CMC2: variants seen among roughly 807,000 people sequenced by gnomAD.
CMC2 encodes C-X9-C motif containing 2.
In CMC2, 5 loss-of-function variants were observed where a neutral mutation model predicts 7.5. The observed-to-expected ratio is 0.66, with a 90% CI of 0.35 to 1.40. The LOEUF is 1.40. Ranked by LOEUF, CMC2 falls within the 40% of genes most tolerant of loss-of-function variation. CMC2 has a pLI of 0.04. For missense variants in CMC2, 115 were observed against 92.3 expected, an observed-to-expected ratio of 1.25 and a Z score of -1.01; for synonymous variants, 37 against 31.4, an observed-to-expected ratio of 1.18 and a Z score of -0.60.
Position 81,006,873 on chromosome 16 carries a change from G to T in CMC2, c.-175C>A, listed in dbSNP as rs935028316. 3 of 986,022 alleles carry T rather than the reference G, an allele frequency of 3.0e-6. No homozygotes were observed. The highest frequency in any genetic ancestry group is 3.6e-6 in the Non-Finnish European group (3 of 830,524). 61.1% of individuals were successfully genotyped at this position (986,022 alleles called of 1,614,324 possible). On this transcript the variant is annotated 5_prime_UTR_variant, in exon 1 of 4. Coordinates refer to ENST00000219400, the MANE Select transcript of CMC2 (RefSeq NM_020188.5). The stretch of plus-strand genomic sequence containing the variant: ...CAGTGACGCCCTCCACCGCTCCACC[G>T]TGCTCCCGGCTCCTCGCCCCCGCCG...
intron 2 of CMC2, among the ~76,000 whole-genome samples, chr16:80,987,696 G>A (rs1597237553): frequency 1.3e-5 from 2 of 152,292 alleles, no homozygotes; most frequent in East Asian, 3.9e-4. Flanking sequence ...TAAAAGCACA[G>A]CAAGGTAGGC....
At chr16:80,995,612 G>A (rs1408272481) in intron 2 of CMC2, among the ~76,000 whole-genome samples, 6 of 152,162 alleles carry the variant, frequency 3.9e-5, no homozygotes, top group African/African-American at 1.2e-4. Context: ...AGCCAAGATC[G>A]CGCCACTACA....
chr16:80,993,398 A>C (rs2549859), intron 2 of CMC2, among the ~76,000 whole-genome samples: 1 of 151,864 alleles, frequency 6.6e-6, no homozygotes, highest in African/African-American at 2.4e-5. Context: ...CGTCAGAGGA[A>C]TTCGGGCAGG....
chr16:80,996,883 A>C (rs1968459428), intron 2 of CMC2: 3 of 304,008 alleles, frequency 9.9e-6, no homozygotes, highest in South Asian at 2.7e-5. Flanking sequence ...GCCAATCATA[A>C]ATCTAGTTAA....
intron 2 of CMC2, among the ~76,000 whole-genome samples, chr16:80,994,197 T>C (rs1968227432): frequency 6.6e-6 from 1 of 151,942 alleles, no homozygotes; most frequent in Non-Finnish European, 1.5e-5. Flanking sequence ...AAAAATTAAC[T>C]TGAAATCTCA....
At chr16:80,991,695 C>A in intron 2 of CMC2, 1 of 224,458 alleles carries the variant, frequency 4.5e-6, no homozygotes, top group Admixed American at 5.6e-5. Flanking sequence ...TGATCAACGT[C>A]AACATTAACA....
chr16:80,997,553 A>C (rs1968526568), intron 1 of CMC2, 124 bp from the exon 2 acceptor site: 1 of 522,332 alleles, frequency 1.9e-6, no homozygotes, highest in Non-Finnish European at 3.4e-6. Context: ...CAGCTGTGTG[A>C]CCTCAGGCAA....
rs3056928 is a variant in CMC2 at position 80,971,564 on chromosome 16, T to G, written c.*4529A>C. 8.2e-6 allele frequency: 1 copy of G among 121,242 alleles called. No homozygotes were observed. The highest frequency in any genetic ancestry group is 3.9e-5 in the African/African-American group (1 of 25,704). The allele number at this position is 121,242 out of a possible 1,614,324, so 7.5% of individuals were successfully genotyped here. ...CTATGGATACTGACATACATACATT[T>G]TATATATATATATATATATATGTAT... On this transcript the variant is annotated 3_prime_UTR_variant, in exon 4 of 4. Coordinates refer to ENST00000219400, the MANE Select transcript of CMC2 (RefSeq NM_020188.5).
chr16:80,977,455 T>G lies in CMC2; in HGVS notation c.154-1276A>C, dbSNP rs139856933. ...GGGCAGAAGGGGAAAAGGGTAAAAG[T>G]AAATTCAAACAGAAAAAACTGAAAA... On this transcript the variant is annotated intron_variant, in intron 3 of 3. Coordinates refer to ENST00000219400, the MANE Select transcript of CMC2 (RefSeq NM_020188.5). Among the ~76,000 whole-genome samples the G allele has an allele frequency of 2.0e-4, 31 of 152,268 alleles. 1 individual carries two copies. In the East Asian group the frequency reaches 4.2e-3, roughly 21 times the overall value.
chr16:81,000,228 T>G (rs767590725), intron 1 of CMC2, among the ~76,000 whole-genome samples: 1 of 152,022 alleles, frequency 6.6e-6, no homozygotes, highest in African/African-American at 2.4e-5. Flanking sequence ...CTGGGCACGG[T>G]AGCTCACACC....
At chr16:81,005,649 T>C (rs1597290653) in intron 1 of CMC2, among the ~76,000 whole-genome samples, 1 of 152,112 alleles carries the variant, frequency 6.6e-6, no homozygotes, top group East Asian at 1.9e-4. Context: ...GTAGACCCCA[T>C]GCCAGGCTGC....
At chr16:80,982,845 C>G (rs939126905) in intron 2 of CMC2, 7 of 155,032 alleles carry the variant, frequency 4.5e-5, no homozygotes, top group African/African-American at 1.7e-4. Context: ...GTCATGTTTA[C>G]TGTAATAACC....
intron 2 of CMC2, among the ~76,000 whole-genome samples, chr16:80,985,819 T>A (rs779514089): frequency 7.0e-6 from 1 of 143,080 alleles, no homozygotes; most frequent in Non-Finnish European, 1.5e-5. Context: ...AAACAGTAAG[T>A]GGAGCCAGGA....
Position 80,972,122 on chromosome 16 carries a change from G to A in CMC2, c.*3971C>T, listed in dbSNP as rs1158433628. ...GCCACCTGCTCCATCTGATACCAGAGGCAGGAGACTGGTAACAATAAAGCA... is the reference window on the plus strand; with the variant it reads ...GCCACCTGCTCCATCTGATACCAGAAGCAGGAGACTGGTAACAATAAAGCA... On this transcript the variant is annotated 3_prime_UTR_variant, in exon 4 of 4. Transcript: ENST00000219400. The A allele has an allele frequency of 2.0e-5, 3 of 152,266 alleles. No homozygotes were observed. Among genetic ancestry groups the A allele is most frequent in the African/African-American group, 4.8e-5 (2 of 41,446 alleles). The allele number at this position is 152,266 out of a possible 1,614,324, so 9.4% of individuals were successfully genotyped here.
At chr16:81,004,595 C>A (rs1236873026) in intron 1 of CMC2, among the ~76,000 whole-genome samples, 1 of 152,224 alleles carries the variant, frequency 6.6e-6, no homozygotes, top group African/African-American at 2.4e-5. Context: ...CACTGAAATT[C>A]CTTAAAATTT....
Position 80,967,405 on chromosome 16 carries a change from T to C in CMC2, c.*8688A>G, listed in dbSNP as rs1911629634. ...CCCAGGCTGGAGTGCAGTGGCACGATCTCGGCTCACTGCAAGCTCCGCCTC... is the reference window on the plus strand; with the variant it reads ...CCCAGGCTGGAGTGCAGTGGCACGACCTCGGCTCACTGCAAGCTCCGCCTC... On this transcript the variant is annotated 3_prime_UTR_variant, in exon 4 of 4. Transcript: ENST00000219400. The C allele has an allele frequency of 6.6e-6, 1 of 152,580 alleles. No homozygotes were observed. The highest frequency in any genetic ancestry group is 2.4e-5 in the African/African-American group (1 of 41,464). 9.5% of individuals were successfully genotyped at this position (152,580 alleles called of 1,614,324 possible).
chr16:80,996,965 A>C (rs1180794518), intron 2 of CMC2: 1 of 445,456 alleles, frequency 2.2e-6, no homozygotes, highest in African/African-American at 2.0e-5. Context: ...AGATACTTTT[A>C]GAATAATTCC....
chr16:80,998,462 G>T (rs1283493542), intron 1 of CMC2: 1 of 152,068 alleles, frequency 6.6e-6, no homozygotes, highest in African/African-American at 2.4e-5. Flanking sequence ...GTGGAAACTG[G>T]TATAGCAGTT....
At chr16:81,006,009 AG>A (rs1197459075) in intron 1 of CMC2, among the ~76,000 whole-genome samples, 1 of 152,192 alleles carries the variant, frequency 6.6e-6, no homozygotes, top group African/African-American at 2.4e-5. Flanking sequence ...CAAGTGCAAA[AG>A]CCATACATAT....
Sources: gnomAD v4.1 joint callset for allele counts (sites outside exome capture counted in the v4.1 genomes callset) on GRCh38, gnomAD v4.1.1 for gene constraint, MANE v1.5 for transcripts, NCBI Gene and HGNC (gene_info 2026-07-23, HGNC 2026-07-21) for gene names.